ZFYVE16: variants seen among roughly 807,000 people sequenced by gnomAD.
ZFYVE16 encodes the protein zinc finger FYVE-type containing 16, also known as zinc finger FYVE domain-containing protein 16.
In ZFYVE16, 89 loss-of-function variants were observed where a neutral mutation model predicts 138.1. The observed-to-expected ratio is 0.64, with a 90% CI of 0.54 to 0.77. ZFYVE16 has a LOEUF of 0.77. Among genes scored for constraint, ZFYVE16 ranks in the 30% least tolerant of loss-of-function variants. ZFYVE16 has a pLI of 0.00. For missense variants in ZFYVE16, 1,793 were observed against 1,786.7 expected, an observed-to-expected ratio of 1.00 and a Z score of -0.06; for synonymous variants, 596 against 618.3, an observed-to-expected ratio of 0.96 and a Z score of 0.53.
chr5:80,456,545 C>T lies in ZFYVE16; in HGVS notation c.3775C>T (p.Pro1259Ser). 1 of 1,611,532 alleles carries T rather than the reference C, an allele frequency of 6.2e-7. No homozygotes were observed. The highest frequency in any genetic ancestry group is 8.5e-7 in the Non-Finnish European group (1 of 1,178,314). ...AATGGGAAAAAGCTGCATAAAAATACCACGGAAAAAGTACAGTGATGTAAG... is the reference window on the plus strand; with the variant it reads ...AATGGGAAAAAGCTGCATAAAAATATCACGGAAAAAGTACAGTGATGTAAG... ...MEMGKSCIKI[P>S]RKKYSDVMKV... The change falls in exon 13 of 19, where the codon CCA (proline) becomes TCA (serine). Residue 1259 changes from proline (P) to serine (S), a missense_variant. Transcript: ENST00000505560.
chr5:80,426,242 CTGTGTG>C (rs869080902), intron 1 of ZFYVE16, among the ~76,000 whole-genome samples: 41 of 125,332 alleles, frequency 3.3e-4, no homozygotes, highest in African/African-American at 1.0e-3. Context: ...GTGTGTGTGT[CTGTGTG>C]TGTGTGTGTG....
At chr5:80,426,766 A>G (rs941649684) in intron 1 of ZFYVE16, among the ~76,000 whole-genome samples, 1 of 152,158 alleles carries the variant, frequency 6.6e-6, no homozygotes, top group African/African-American at 2.4e-5. Context: ...GTATCTTTAT[A>G]ATAGAATGAT....
chr5:80,437,496 T>C lies in ZFYVE16; in HGVS notation c.811T>C (p.Leu271=). ...ACAACACAAGAGCCAGCCATGTGGA[T>C]TACTAAAAGATGTTGGCTTAGTAAA... ...KLQHKSQPCG[L]LKDVGLVKEE... is the part of the protein sequence containing the mutation. Residue 271 remains leucine, a synonymous_variant, in exon 4 of 19, where the codon TTA becomes CTA. Coordinates refer to ENST00000505560, the MANE Select transcript of ZFYVE16 (RefSeq NM_001284236.3). The C allele has an allele frequency of 6.2e-7, 1 of 1,611,382 alleles. No individual in the cohort carries two copies. Among genetic ancestry groups the C allele is most frequent in the South Asian group, 1.1e-5 (1 of 90,644 alleles).
intron 18 of ZFYVE16, 37 bp from the exon 19 acceptor site, chr5:80,477,182 T>C: frequency 6.5e-7 from 1 of 1,533,642 alleles, no homozygotes. Context: ...TAAACAAGAT[T>C]GCTCATTTTC....
At chr5:80,409,905 A>G (rs941368993) in intron 1 of ZFYVE16, 6 of 152,032 alleles carry the variant, frequency 3.9e-5, no homozygotes, top group African/African-American at 1.5e-4. Context: ...GTTCTTTGTG[A>G]TGTTTTCTGG....
intron 15 of ZFYVE16, among the ~76,000 whole-genome samples, chr5:80,472,010 T>C (rs1754431489): frequency 6.6e-6 from 1 of 152,116 alleles, no homozygotes; most frequent in African/African-American, 2.4e-5. Context: ...CTTTGGTTGG[T>C]CCACATGACC....
chr5:80,463,064 A>G (rs1174754603), intron 15 of ZFYVE16, among the ~76,000 whole-genome samples: 1 of 152,226 alleles, frequency 6.6e-6, no homozygotes, highest in Non-Finnish European at 1.5e-5. Context: ...CCAAGCACAC[A>G]GTGCAAGCTG....
intron 2 of ZFYVE16, among the ~76,000 whole-genome samples, chr5:80,432,189 A>G (rs919387941): frequency 1.4e-4 from 22 of 152,360 alleles, no homozygotes; most frequent in African/African-American, 5.1e-4. Context: ...AAACTATACT[A>G]CAAGGCTACA....
In ZFYVE16 at chr5:80,465,396, C is replaced by CTTTGTTTT. The variant is rs1753592725; in HGVS notation, c.4024+5906_4024+5913dup. Among the ~76,000 whole-genome samples the CTTTGTTTT allele has an allele frequency of 1.5e-4, 4 of 26,380 alleles. 1 individual carries two copies. Among genetic ancestry groups the CTTTGTTTT allele is most frequent in the Non-Finnish European group, 3.1e-4 (3 of 9,538 alleles). The allele number at this position is 26,380 out of a possible 152,430, so 17.3% of individuals were successfully genotyped here. On this transcript the variant is annotated intron_variant, in intron 15 of 18. Transcript: ENST00000505560. ...CCATGGTTTCTTTTTTTTTCCTTTT[C>CTTTGTTTT]TTTGTTTTTTTTTTTTTTTTTTTTT...
rs1163835168 is a variant in ZFYVE16, at chr5:80,481,808, T to C, written c.*4431T>C. 6.6e-6 allele frequency among the ~76,000 whole-genome samples: 1 copy of C among 152,128 alleles called. No individual in the cohort carries two copies. The highest frequency in any genetic ancestry group is 2.4e-5 in the African/African-American group (1 of 41,436). ...AATGTCAGAATTATCAGAAAAAGACTTAAAACTAGTTATTTTATTTTTTTT... is the reference window on the plus strand; with the variant it reads ...AATGTCAGAATTATCAGAAAAAGACCTAAAACTAGTTATTTTATTTTTTTT... On this transcript the variant is annotated 3_prime_UTR_variant, in exon 19 of 19. Transcript: ENST00000505560.
chr5:80,450,673 T>C, intron 10 of ZFYVE16, 87 bp downstream of exon 10: 4 of 1,296,106 alleles, frequency 3.1e-6, no homozygotes, highest in Non-Finnish European at 4.2e-6. Flanking sequence ...CTAGCTATAC[T>C]AAAGATTTAT....
chr5:80,410,626 A>G (rs1441157931), intron 1 of ZFYVE16, among the ~76,000 whole-genome samples: 1 of 151,884 alleles, frequency 6.6e-6, no homozygotes, highest in Non-Finnish European at 1.5e-5. Context: ...GCTGGAGTGC[A>G]GTGGCGTGAT....
At chr5:80,450,679 T>G in intron 10 of ZFYVE16, 93 bp downstream of exon 10, 1 of 1,246,198 alleles carries the variant, frequency 8.0e-7, no homozygotes, top group Non-Finnish European at 1.1e-6. Flanking sequence ...ATACTAAAGA[T>G]TTATTTCTGT....
intron 3 of ZFYVE16, among the ~76,000 whole-genome samples, 153 bp downstream of exon 3, chr5:80,434,370 G>A (rs1189813966): frequency 1.3e-5 from 2 of 152,176 alleles, no homozygotes; most frequent in Non-Finnish European, 2.9e-5. Context: ...TAAGATGTTA[G>A]TTGATTCTTA....
rs1368559362 is a variant in ZFYVE16 at position 80,480,023 on chromosome 5, G to A, written c.*2646G>A. On this transcript the variant is annotated 3_prime_UTR_variant, in exon 19 of 19. Coordinates refer to ENST00000505560, the MANE Select transcript of ZFYVE16 (RefSeq NM_001284236.3). Reference sequence around the variant, plus strand: ...CTCCAGGTGACAGAGAAAATAAAATGTAAATACTTTTCATGGAAAAGTAAT... The same window carrying A: ...CTCCAGGTGACAGAGAAAATAAAATATAAATACTTTTCATGGAAAAGTAAT... 1.3e-5 allele frequency among the ~76,000 whole-genome samples: 2 copies of A among 152,134 alleles called. No individual in the cohort carries two copies. The highest frequency in any genetic ancestry group is 4.8e-5 in the African/African-American group (2 of 41,434).
chr5:80,481,754 T>G lies in ZFYVE16; in HGVS notation c.*4377T>G, dbSNP rs999047594. ...AAGCAACTCTCTAGGGAAAAGACAA[T>G]GAACAAGAGCCAACTCTAAGGTTAC... On this transcript the variant is annotated 3_prime_UTR_variant, in exon 19 of 19. Coordinates refer to ENST00000505560, the MANE Select transcript of ZFYVE16 (RefSeq NM_001284236.3). 2.0e-5 allele frequency among the ~76,000 whole-genome samples: 3 copies of G among 152,090 alleles called. No homozygotes were observed. The highest frequency in any genetic ancestry group is 4.4e-5 in the Non-Finnish European group (3 of 67,994).
rs371218422 is a variant in ZFYVE16 at position 80,443,126 on chromosome 5, A to G, written c.2423A>G (p.Gln808Arg). Reference protein sequence around the residue: ...VVCYETISKAQAFERMMSPTG... With the variant: ...VVCYETISKARAFERMMSPTG... ...ACTATTGTTTTCCCCTTTATAGCTC[A>G]GGCATTTGAAAGGATGATGAGTCCA... The change falls in exon 6 of 19, where the codon CAG (glutamine) becomes CGG (arginine). Residue 808 changes from glutamine (Q) to arginine (R), a missense_variant. Physicochemically the swap from Gln to Arg is conservative, Grantham distance 43. Coordinates refer to ENST00000505560, the MANE Select transcript of ZFYVE16 (RefSeq NM_001284236.3). The G allele has an allele frequency of 1.6e-5, 24 of 1,541,710 alleles. No homozygotes were observed. Among genetic ancestry groups the G allele is most frequent in the Non-Finnish European group, 1.9e-5 (22 of 1,156,442 alleles).
chr5:80,456,749 G>A (rs998415709), intron 13 of ZFYVE16, among the ~76,000 whole-genome samples, 184 bp downstream of exon 13: 3 of 151,000 alleles, frequency 2.0e-5, no homozygotes, highest in Non-Finnish European at 2.9e-5. Context: ...CTTTTTTTTC[G>A]TACTGTTTTA....
At position 80,481,565 on chromosome 5, in the gene ZFYVE16, G is replaced by A. The variant is rs1755270846; in HGVS notation, c.*4188G>A. ...TGGAACCACAGCCACCAAAAAAAGTGGCCAGGATGTGTGCTCTGAAACTTA... is the reference window on the plus strand; with the variant it reads ...TGGAACCACAGCCACCAAAAAAAGTAGCCAGGATGTGTGCTCTGAAACTTA... On this transcript the variant is annotated 3_prime_UTR_variant, in exon 19 of 19. Coordinates refer to ENST00000505560, the MANE Select transcript of ZFYVE16 (RefSeq NM_001284236.3). 6.6e-6 allele frequency among the ~76,000 whole-genome samples: 1 copy of A among 151,874 alleles called. No individual in the cohort carries two copies. Among genetic ancestry groups the A allele is most frequent in the African/African-American group, 2.4e-5 (1 of 41,350 alleles).
Sources: allele counts gnomAD v4.1 joint callset (sites outside exome capture counted in the v4.1 genomes callset), GRCh38; gene constraint gnomAD v4.1.1; transcripts MANE v1.5; gene names NCBI Gene and HGNC (gene_info 2026-07-23, HGNC 2026-07-21).